EEF1AKMT2: variants seen among roughly 807,000 people sequenced by gnomAD.
The protein encoded by EEF1AKMT2 is eukaryotic translation elongation factor 1 alpha lysine methyltransferase 2.
A neutral mutation model predicts 35.8 loss-of-function variants in EEF1AKMT2; 32 were observed. The observed-to-expected ratio is 0.89, with a 90% CI of 0.67 to 1.20. EEF1AKMT2 has a LOEUF of 1.20. Among genes scored for constraint, EEF1AKMT2 ranks in the 50% most tolerant of loss-of-function variants. The pLI, the probability that EEF1AKMT2 is intolerant of heterozygous loss-of-function variation, is 0.00. For synonymous variants in EEF1AKMT2, 121 were observed against 133.7 expected (o/e 0.91, Z 0.65); for missense variants, 330 against 347.5 (o/e 0.95, Z 0.40).
At position 124,782,486 on chromosome 10, in the gene EEF1AKMT2, G is replaced by C. The variant is rs1206398102; in HGVS notation, c.291+6557C>G. 1.3e-5 allele frequency among the ~76,000 whole-genome samples: 2 copies of C among 151,094 alleles called. 1 individual carries two copies. The highest frequency in any genetic ancestry group is 1.3e-4 in the Admixed American group (2 of 15,058). On this transcript the variant is annotated intron_variant, in intron 3 of 6. Coordinates refer to ENST00000368836, the MANE Select transcript of EEF1AKMT2 (RefSeq NM_212554.4). The stretch of plus-strand genomic sequence containing the variant: ...AGTCCCAGCTACTCGGGAGGCTGAG[G>C]CAGGAGAATGGCGTGAACCTGGGAG...
intron 4 of EEF1AKMT2, among the ~76,000 whole-genome samples, chr10:124,772,420 CTTTTTTTTTT>C (rs59707540): frequency 1.3e-5 from 1 of 75,412 alleles, no homozygotes; most frequent in Non-Finnish European, 2.3e-5. Flanking sequence ...TTTTCTTTTT[CTTTTTTTTTT>C]TTTTTTTTTT....
intron 3 of EEF1AKMT2, among the ~76,000 whole-genome samples, chr10:124,775,941 A>G (rs1950483650): frequency 6.7e-6 from 1 of 148,318 alleles, no homozygotes; most frequent in African/African-American, 2.5e-5. Context: ...TTTTTGAGAC[A>G]GAGTCTCGCT....
intron 6 of EEF1AKMT2, 25 bp from the exon 7 acceptor site, chr10:124,760,528 T>C (rs766262375): frequency 6.3e-7 from 1 of 1,575,368 alleles, no homozygotes; most frequent in African/African-American, 1.3e-5. Flanking sequence ...TTAAATACTT[T>C]TATTAAGAAT....
At chr10:124,770,461 C>T (rs1041395994) in intron 4 of EEF1AKMT2, among the ~76,000 whole-genome samples, 4 of 152,110 alleles carry the variant, frequency 2.6e-5, no homozygotes, top group African/African-American at 9.7e-5. Context: ...AACAAGCCAT[C>T]ATCGAAATCA....
intron 4 of EEF1AKMT2, among the ~76,000 whole-genome samples, chr10:124,773,205 A>G (rs28887557): frequency 2.0e-5 from 3 of 151,614 alleles, no homozygotes; most frequent in Admixed American, 6.6e-5. Flanking sequence ...TTGTTTTTTT[A>G]TTTTTGTTTT....
chr10:124,782,424 T>TATATAAAAA, intron 3 of EEF1AKMT2, among the ~76,000 whole-genome samples: 2 of 150,838 alleles, frequency 1.3e-5, no homozygotes, highest in Non-Finnish European at 3.0e-5. Context: ...CTACTAAAAA[T>TATATAAAAA]ACAAAAAATT....
At chr10:124,791,587 C>T in intron 1 of EEF1AKMT2, 137 bp downstream of exon 1, 2 of 1,276,712 alleles carry the variant, frequency 1.6e-6, no homozygotes, top group Non-Finnish European at 2.1e-6. Context: ...GTAAGCCCCC[C>T]GCCAGGTGGC....
chr10:124,762,366 C>G lies in EEF1AKMT2; in HGVS notation c.809G>C (p.Ser270Thr). The stretch of plus-strand genomic sequence containing the variant: ...TTTGGGAGGCCAGGTGGGAGAATCA[C>G]TTGAGCCCAGGAGTTCCAGACCAGC... ...VQAGLELLGS[S>T]DSPTWPPKVL... The change falls in exon 6 of 7, where the codon AGT (serine) becomes ACT (threonine). Residue 270 changes from serine to threonine, a missense_variant. Physicochemically the swap from Ser to Thr is moderately conservative, Grantham distance 58 (BLOSUM62 1). Transcript: ENST00000368836. The G allele has an allele frequency of 7.9e-7, 1 of 1,267,658 alleles. No homozygotes were observed. Among genetic ancestry groups the G allele is most frequent in the Non-Finnish European group, 1.0e-6 (1 of 962,532 alleles). The allele number at this position is 1,267,658 out of a possible 1,614,324, so 78.5% of individuals were successfully genotyped here.
At chr10:124,771,801 A>G (rs941706041) in intron 4 of EEF1AKMT2, among the ~76,000 whole-genome samples, 5 of 152,158 alleles carry the variant, frequency 3.3e-5, no homozygotes, top group East Asian at 1.9e-4. Context: ...CCTGGGAGGC[A>G]GAGCTTGCAG....
At position 124,758,631 on chromosome 10, in the gene EEF1AKMT2, G is replaced by A. The variant is rs1950306040; in HGVS notation, c.*1872C>T. The A allele has an allele frequency of 1.3e-5, 2 of 151,884 alleles. No individual in the cohort carries two copies. The highest frequency in any genetic ancestry group is 4.8e-5 in the African/African-American group (2 of 41,418). 9.4% of individuals were successfully genotyped at this position (151,884 alleles called of 1,614,324 possible). On this transcript the variant is annotated 3_prime_UTR_variant, in exon 7 of 7. Transcript: ENST00000368836. Reference sequence around the variant, plus strand: ...TTTGTGAATCAAACTCAACATCTCAGTCTAGTCACACAGAAAGCCTAGTTT... The same window carrying A: ...TTTGTGAATCAAACTCAACATCTCAATCTAGTCACACAGAAAGCCTAGTTT...
intron 4 of EEF1AKMT2, among the ~76,000 whole-genome samples, chr10:124,767,855 GCA>G (rs1950392958): frequency 1.3e-5 from 2 of 151,886 alleles, no homozygotes; most frequent in Admixed American, 6.6e-5. Context: ...GCGTGGTGGC[GCA>G]TGCCAGTAAT....
At chr10:124,766,634 T>A (rs899211694) in intron 4 of EEF1AKMT2, among the ~76,000 whole-genome samples, 1 of 152,022 alleles carries the variant, frequency 6.6e-6, no homozygotes, top group African/African-American at 2.4e-5. Context: ...TCTAAAACTC[T>A]ATTGACTTAA....
chr10:124,775,047 T>C (rs76363638), intron 3 of EEF1AKMT2: 1,791 of 176,568 alleles, frequency 0.01, 34 homozygotes, highest in African/African-American at 0.04. Flanking sequence ...AAAATATATG[T>C]ATAAGCCCTC....
rs1444986075 is a variant in EEF1AKMT2, at chr10:124,759,611, ATCCTGTACTGTTGAACCTCATAAAAG to A, written c.*866_*891del. ...AGACCCAGATAAAAATCCTGGCTCC[ATCCTGTACTGTTGAACCTCATAAAAG>A]TGACTTCACTTCTCTCAGCTTCATT... is the stretch of plus-strand genomic sequence containing the variant. On this transcript the variant is annotated 3_prime_UTR_variant, in exon 7 of 7. Coordinates refer to ENST00000368836, the MANE Select transcript of EEF1AKMT2 (RefSeq NM_212554.4). 1 of 152,234 alleles carries A rather than the reference ATCCTGTACTGTTGAACCTCATAAAAG, an allele frequency of 6.6e-6. No individual in the cohort carries two copies. The highest frequency in any genetic ancestry group is 1.5e-5 in the Non-Finnish European group (1 of 68,042). 9.4% of individuals were successfully genotyped at this position (152,234 alleles called of 1,614,324 possible).
chr10:124,784,958 T>TA (rs1447641574), intron 3 of EEF1AKMT2, among the ~76,000 whole-genome samples: 1 of 138,002 alleles, frequency 7.2e-6, no homozygotes, highest in Admixed American at 7.3e-5. Context: ...GGTCTAAATG[T>TA]AAAAGGTAGG....
At position 124,788,628 on chromosome 10, in the gene EEF1AKMT2, T is replaced by C. The variant is rs576992096; in HGVS notation, c.291+415A>G. ...GAATGTTTACCGAAACACAGTTCCATGGACAAAATGCACTTTTCAAACCAT... is the reference window on the plus strand; with the variant it reads ...GAATGTTTACCGAAACACAGTTCCACGGACAAAATGCACTTTTCAAACCAT... On this transcript the variant is annotated intron_variant, in intron 3 of 6. Transcript: ENST00000368836. Among the ~76,000 whole-genome samples the C allele has an allele frequency of 2.0e-5, 3 of 149,664 alleles. No individual in the cohort carries two copies. The East Asian group carries it at 5.9e-4, about 29-fold the overall frequency.
chr10:124,791,659 G>C (rs1196249123), intron 1 of EEF1AKMT2, 65 bp downstream of exon 1: 1 of 1,536,682 alleles, frequency 6.5e-7, no homozygotes, highest in Non-Finnish European at 8.7e-7. Flanking sequence ...CCACCCCGCC[G>C]TCCCCTTCTC....
chr10:124,760,362 G>T lies in EEF1AKMT2; in HGVS notation c.*141C>A. 7.7e-7 allele frequency: 1 copy of T among 1,305,436 alleles called. No homozygotes were observed. The highest frequency in any genetic ancestry group is 1.1e-6 in the Non-Finnish European group (1 of 912,058). The allele number at this position is 1,305,436 out of a possible 1,614,324, so 80.9% of individuals were successfully genotyped here. On this transcript the variant is annotated 3_prime_UTR_variant, in exon 7 of 7. Coordinates refer to ENST00000368836, the MANE Select transcript of EEF1AKMT2 (RefSeq NM_212554.4). The stretch of plus-strand genomic sequence containing the variant: ...GGATTTTCTGTGTCAGGTTAACTTT[G>T]CTGTGTAGATTCTGTGTAGCTACCT...
intron 4 of EEF1AKMT2, among the ~76,000 whole-genome samples, chr10:124,774,131 G>T (rs1326845188): frequency 1.3e-5 from 2 of 152,118 alleles, no homozygotes; most frequent in Admixed American, 1.3e-4. Context: ...ACTCTGGGAG[G>T]CCGAAGCGGG....
Sources: allele counts gnomAD v4.1 joint callset (sites outside exome capture counted in the v4.1 genomes callset), GRCh38; gene constraint gnomAD v4.1.1; transcripts MANE v1.5; gene names NCBI Gene and HGNC (gene_info 2026-07-23, HGNC 2026-07-21).